Variants in PPP1R12A observed in about 807,000 individuals in gnomAD.
The protein encoded by PPP1R12A is protein phosphatase 1 regulatory subunit 12A.
In PPP1R12A, 19 loss-of-function variants were observed where a neutral mutation model predicts 139.6. The ratio of observed to expected loss-of-function variants is 0.14; its 90% CI spans 0.09 to 0.20. The LOEUF is 0.20. Among genes scored for constraint, PPP1R12A ranks in the 10% least tolerant of loss-of-function variants. The probability of loss-of-function intolerance (pLI) is 1.00; values close to 1 mark genes in which losing one functional copy is unlikely to be tolerated. For synonymous variants in PPP1R12A, 427 were observed against 420.6 expected (o/e 1.02, Z -0.19); for missense variants, 925 against 1,211.5 (o/e 0.76, Z 3.51).
chr12:79,834,324 TAGA>T (rs1877816734), intron 3 of PPP1R12A, among the ~76,000 whole-genome samples: 1 of 152,180 alleles, frequency 6.6e-6, no homozygotes, highest in Non-Finnish European at 1.5e-5. Context: ...ATGTTCTGTT[TAGA>T]AGGACAGGGT....
chr12:79,912,250 A>G (rs934926922), intron 1 of PPP1R12A, among the ~76,000 whole-genome samples: 2 of 152,232 alleles, frequency 1.3e-5, no homozygotes, highest in African/African-American at 4.8e-5. Context: ...CTGTTCTTGT[A>G]TAACACTTTA....
At chr12:79,901,683 A>G (rs1885653867) in intron 1 of PPP1R12A, among the ~76,000 whole-genome samples, 1 of 152,248 alleles carries the variant, frequency 6.6e-6, no homozygotes, top group South Asian at 2.1e-4. Flanking sequence ...CAATATTTTA[A>G]CTTAATTGCT....
chr12:79,851,576 T>C (rs1324528593), intron 2 of PPP1R12A, among the ~76,000 whole-genome samples: 2 of 152,212 alleles, frequency 1.3e-5, no homozygotes, highest in Non-Finnish European at 2.9e-5. Flanking sequence ...ATCTTCAATT[T>C]TCAAAAGTCT....
chr12:79,864,664 C>T (rs1457159707), intron 2 of PPP1R12A, among the ~76,000 whole-genome samples: 1 of 152,170 alleles, frequency 6.6e-6, no homozygotes, highest in Non-Finnish European at 1.5e-5. Flanking sequence ...CATAGAAATA[C>T]AAACTACCAT....
chr12:79,815,377 T>A (rs1376647078), intron 9 of PPP1R12A, among the ~76,000 whole-genome samples: 1 of 151,932 alleles, frequency 6.6e-6, no homozygotes, highest in Non-Finnish European at 1.5e-5. Flanking sequence ...ATATAATTAG[T>A]CAGGTGTGGT....
chr12:79,778,739 G>C, intron 23 of PPP1R12A, 139 bp from the exon 24 acceptor site: 3 of 486,646 alleles, frequency 6.2e-6, no homozygotes, highest in Non-Finnish European at 1.0e-5. Flanking sequence ...CCAGTGATAT[G>C]TAAAGAGCTT....
At chr12:79,914,374 T>C (rs1179812481) in intron 1 of PPP1R12A, among the ~76,000 whole-genome samples, 1 of 151,896 alleles carries the variant, frequency 6.6e-6, no homozygotes, top group African/African-American at 2.4e-5. Context: ...TTAACATTGA[T>C]ATAATATACT....
intron 17 of PPP1R12A, among the ~76,000 whole-genome samples, chr12:79,796,131 T>C (rs1872484172): frequency 6.6e-6 from 1 of 152,212 alleles, no homozygotes; most frequent in Non-Finnish European, 1.5e-5. Flanking sequence ...CTTTATTTTC[T>C]GCTGTTTATT....
intron 1 of PPP1R12A, among the ~76,000 whole-genome samples, chr12:79,922,135 G>A (rs916169362): frequency 1.3e-5 from 2 of 152,058 alleles, no homozygotes; most frequent in Non-Finnish European, 2.9e-5. Flanking sequence ...GTGGGCACAC[G>A]CCTGTAGTCT....
At chr12:79,778,145 G>C (rs1261373423) in intron 24 of PPP1R12A, among the ~76,000 whole-genome samples, 1 of 151,910 alleles carries the variant, frequency 6.6e-6, no homozygotes, top group Non-Finnish European at 1.5e-5. Context: ...TTTCAAAGGA[G>C]AACATTTTAT....
At chr12:79,786,664 A>G (rs1871174029) in intron 21 of PPP1R12A, 186 bp from the exon 22 acceptor site, 1 of 418,174 alleles carries the variant, frequency 2.4e-6, no homozygotes, top group Admixed American at 4.6e-5. Context: ...TTTGTCCCAT[A>G]TAAAGTCTTA....
chr12:79,921,430 A>G (rs1887429476), intron 1 of PPP1R12A, among the ~76,000 whole-genome samples: 1 of 152,248 alleles, frequency 6.6e-6, no homozygotes, highest in Non-Finnish European at 1.5e-5. Flanking sequence ...AGGTACATTC[A>G]GAAGACAAAC....
At chr12:79,894,794 T>C (rs903419266) in intron 1 of PPP1R12A, among the ~76,000 whole-genome samples, 1 of 152,224 alleles carries the variant, frequency 6.6e-6, no homozygotes, top group Admixed American at 6.5e-5. Flanking sequence ...TACACAACAA[T>C]GTCCTTATAA....
At chr12:79,845,254 C>A in intron 3 of PPP1R12A, 48 bp downstream of exon 3, 4 of 1,369,506 alleles carry the variant, frequency 2.9e-6, no homozygotes, top group Middle Eastern at 1.8e-4. Context: ...GGAAAAGTAT[C>A]ACATTCTTTC....
chr12:79,789,593 G>T (rs1388746112), intron 20 of PPP1R12A: 1 of 442,792 alleles, frequency 2.3e-6, no homozygotes, highest in Non-Finnish European at 4.5e-6. Context: ...TGAAATTCAG[G>T]TTACCTTTTC....
In PPP1R12A at chr12:79,809,775, C is replaced by G; in HGVS notation, c.1455+20G>C. On this transcript the variant is annotated intron_variant, in intron 10 of 24. Transcript: ENST00000450142. ...AAATCATAACAGTTTTCATAGAAAC[C>G]AGACTGTGAAATAGATTACCTTTTC... 1 of 1,571,460 alleles carries G rather than the reference C, an allele frequency of 6.4e-7. No homozygotes were observed.
intron 22 of PPP1R12A, 145 bp from the exon 23 acceptor site, chr12:79,782,007 AT>A: frequency 2.2e-6 from 1 of 451,478 alleles, no homozygotes; most frequent in East Asian, 3.4e-5. Flanking sequence ...AGAAAACAGG[AT>A]TTGTATTAAA....
chr12:79,895,559 T>C (rs979712437), intron 1 of PPP1R12A, among the ~76,000 whole-genome samples: 4 of 152,184 alleles, frequency 2.6e-5, no homozygotes, highest in African/African-American at 4.8e-5. Context: ...GGAATAGTTA[T>C]GTCTGATCCA....
chr12:79,817,619 TA>T, intron 8 of PPP1R12A, 101 bp from the exon 9 acceptor site: 2 of 1,178,398 alleles, frequency 1.7e-6, no homozygotes, highest in South Asian at 3.3e-5. Flanking sequence ...AAGGTTTTGT[TA>T]ACTAAAAGTC....
Sources: allele counts gnomAD v4.1 joint callset (sites outside exome capture counted in the v4.1 genomes callset), GRCh38; gene constraint gnomAD v4.1.1; transcripts MANE v1.5; gene names NCBI Gene and HGNC (gene_info 2026-07-23, HGNC 2026-07-21).